The following FBXL7 variants were observed in gnomAD, a reference collection of about 807,000 sequenced individuals.
The protein encoded by FBXL7 is F-box and leucine rich repeat protein 7, also known as F-box/LRR-repeat protein 7.
FBXL7 carries 12 observed loss-of-function variants against 38.3 expected under a neutral mutation model. The ratio of observed to expected loss-of-function variants is 0.31; its 90% CI spans 0.20 to 0.51. FBXL7 has a LOEUF of 0.51. Among genes scored for constraint, FBXL7 ranks in the 20% least tolerant of loss-of-function variants. FBXL7 has a pLI of 0.98. For synonymous variants in FBXL7, 297 were observed against 300.9 expected, an observed-to-expected ratio of 0.99 and a Z score of 0.13; for missense variants, 567 against 676.4, an observed-to-expected ratio of 0.84 and a Z score of 1.79.
At chr5:15,771,318 A>G (rs1459824533) in intron 2 of FBXL7, among the ~76,000 whole-genome samples, 2 of 152,196 alleles carry the variant, frequency 1.3e-5, no homozygotes, top group Non-Finnish European at 2.9e-5. Flanking sequence ...ATGGAAATCA[A>G]ATGGCTCAAA....
chr5:15,654,547 G>A (rs971968254), intron 2 of FBXL7, among the ~76,000 whole-genome samples: 2 of 151,988 alleles, frequency 1.3e-5, no homozygotes, highest in Admixed American at 6.6e-5. Flanking sequence ...TATGTTTGAT[G>A]TCTATTACTA....
intron 2 of FBXL7, among the ~76,000 whole-genome samples, chr5:15,655,409 G>A (rs1457767044): frequency 6.6e-5 from 10 of 151,608 alleles, no homozygotes; most frequent in Non-Finnish European, 1.0e-4. Context: ...CAGGAGAATC[G>A]CTTGAACCCA....
chr5:15,646,329 A>T (rs888735134), intron 2 of FBXL7, among the ~76,000 whole-genome samples: 1 of 152,208 alleles, frequency 6.6e-6, no homozygotes, highest in Admixed American at 6.5e-5. Flanking sequence ...TGAGGCAAAG[A>T]GGTTAAGGAT....
chr5:15,818,904 C>T (rs1474295906), intron 2 of FBXL7, among the ~76,000 whole-genome samples: 4 of 152,070 alleles, frequency 2.6e-5, no homozygotes, highest in African/African-American at 9.7e-5. Context: ...CCAATGGCCT[C>T]CTAAATACTA....
rs144654525 is a variant in FBXL7 at position 15,852,158 on chromosome 5, A to G, written c.128-75732A>G. On this transcript the variant is annotated intron_variant, in intron 2 of 3. Transcript: ENST00000504595. ...GCACTATCCTTCCAAACTTTGGAAT[A>G]TCTCTCTGGTATTGGATTGGTTACA... 2.4e-3 allele frequency among the ~76,000 whole-genome samples: 369 copies of G among 152,302 alleles called. 6 individuals are homozygous for G. Among genetic ancestry groups the G allele is most frequent in the Admixed American group, 0.021 (321 of 15,296 alleles).
chr5:15,935,755 A>T (rs1361154258), intron 3 of FBXL7, among the ~76,000 whole-genome samples: 2 of 152,284 alleles, frequency 1.3e-5, no homozygotes, highest in East Asian at 1.9e-4. Context: ...AGACTAATAT[A>T]TTCACTTCCC....
chr5:15,880,721 T>TTATATATATATATATATACTATATTA (rs3034531), intron 2 of FBXL7, among the ~76,000 whole-genome samples: 3 of 143,372 alleles, frequency 2.1e-5, no homozygotes, highest in South Asian at 2.2e-4. Flanking sequence ...ATATACTATA[T>TTATATATATATATATATACTATATTA]TATATATATA....
chr5:15,715,721 A>G, intron 2 of FBXL7, among the ~76,000 whole-genome samples: 1 of 152,214 alleles, frequency 6.6e-6, no homozygotes, highest in East Asian at 1.9e-4. Context: ...TTGCTAACAC[A>G]TGGTATAAAC....
At chr5:15,788,993 G>C (rs1261953057) in intron 2 of FBXL7, among the ~76,000 whole-genome samples, 1 of 151,896 alleles carries the variant, frequency 6.6e-6, no homozygotes, top group Non-Finnish European at 1.5e-5. Flanking sequence ...TGGGACTACA[G>C]GTGCCCGCCA....
intron 2 of FBXL7, among the ~76,000 whole-genome samples, chr5:15,670,462 A>G (rs912842568): frequency 6.6e-6 from 1 of 152,178 alleles, no homozygotes; most frequent in Non-Finnish European, 1.5e-5. Context: ...GACATAATAC[A>G]TAGCCCAGAT....
Position 15,779,360 on chromosome 5 carries a change from T to C in FBXL7, c.128-148530T>C, listed in dbSNP as rs555653798. Among the ~76,000 whole-genome samples, 3 of 152,238 alleles carry C rather than the reference T, an allele frequency of 2.0e-5. No individual in the cohort carries two copies. In the East Asian group the frequency reaches 5.8e-4, roughly 29 times the overall value. ...AATAAGAATTGTAATGTTCCAAAGA[T>C]AAAGAAAATGTTTGAAGTAATGACT... On this transcript the variant is annotated intron_variant, in intron 2 of 3. Coordinates refer to ENST00000504595, the MANE Select transcript of FBXL7 (RefSeq NM_012304.5).
chr5:15,627,529 TTAAC>T (rs1304598924), intron 2 of FBXL7, among the ~76,000 whole-genome samples: 1 of 152,172 alleles, frequency 6.6e-6, no homozygotes, highest in Non-Finnish European at 1.5e-5. Flanking sequence ...AGGACAGTCT[TTAAC>T]TAAAACATGG....
At chr5:15,577,503 T>TG (rs1424404570) in intron 1 of FBXL7, among the ~76,000 whole-genome samples, 1 of 152,170 alleles carries the variant, frequency 6.6e-6, no homozygotes, top group Non-Finnish European at 1.5e-5. Context: ...GGATATGTTC[T>TG]GGGGGACACA....
chr5:15,634,152 A>T (rs1741094944), intron 2 of FBXL7, among the ~76,000 whole-genome samples: 1 of 152,124 alleles, frequency 6.6e-6, no homozygotes, highest in African/African-American at 2.4e-5. Context: ...ACGCATGCTA[A>T]CAAGTAAAAA....
rs569387414 is a variant in FBXL7 at position 15,579,390 on chromosome 5, A to G, written c.38-36593A>G. On this transcript the variant is annotated intron_variant, in intron 1 of 3. Coordinates refer to ENST00000504595, the MANE Select transcript of FBXL7 (RefSeq NM_012304.5). Reference sequence around the variant, plus strand: ...CCAGATGCTGCTTCTCCCACAGGCCATAATTTGTCCATGAGTATGTGGCTT... The same window carrying G: ...CCAGATGCTGCTTCTCCCACAGGCCGTAATTTGTCCATGAGTATGTGGCTT... Among the ~76,000 whole-genome samples, 7 of 152,348 alleles carry G rather than the reference A, an allele frequency of 4.6e-5. No homozygotes were observed. In the South Asian group the frequency reaches 1.4e-3, roughly 32 times the overall value.
At chr5:15,791,093 G>C (rs1354864543) in intron 2 of FBXL7, among the ~76,000 whole-genome samples, 1 of 149,798 alleles carries the variant, frequency 6.7e-6, no homozygotes, top group Non-Finnish European at 1.5e-5. Context: ...GTTATTGCAT[G>C]TATCTAAGCC....
At chr5:15,667,942 C>T (rs372771929) in intron 2 of FBXL7, among the ~76,000 whole-genome samples, 10 of 152,152 alleles carry the variant, frequency 6.6e-5, no homozygotes, top group African/African-American at 1.7e-4. Flanking sequence ...GTTTGTGCAT[C>T]TTAGAAATGT....
At chr5:15,720,093 A>C (rs1744152985) in intron 2 of FBXL7, among the ~76,000 whole-genome samples, 1 of 149,142 alleles carries the variant, frequency 6.7e-6, no homozygotes, top group South Asian at 2.2e-4. Context: ...CTAAATTTGC[A>C]ATCTTGGTTG....
chr5:15,900,080 A>G (rs745411812), intron 2 of FBXL7, among the ~76,000 whole-genome samples: 25 of 151,788 alleles, frequency 1.6e-4, no homozygotes, highest in Non-Finnish European at 2.6e-4. Flanking sequence ...CTTCCAGCAT[A>G]TAGGGAATGG....
Sources: allele counts gnomAD v4.1 joint callset (sites outside exome capture counted in the v4.1 genomes callset), GRCh38; gene constraint gnomAD v4.1.1; transcripts MANE v1.5; gene names NCBI Gene and HGNC (gene_info 2026-07-23, HGNC 2026-07-21).